GLT1D1: variants seen among roughly 807,000 people sequenced by gnomAD.
GLT1D1 encodes glycosyltransferase 1 domain-containing protein 1.
In GLT1D1, 21 loss-of-function variants were observed where a neutral mutation model predicts 28.7. The ratio of observed to expected loss-of-function variants is 0.73; its 90% CI spans 0.52 to 1.05. The LOEUF is 1.05. Among genes scored for constraint, GLT1D1 ranks in the 50% least tolerant of loss-of-function variants. The pLI, the probability that GLT1D1 is intolerant of heterozygous loss-of-function variation, is 0.00. For missense variants in GLT1D1, 343 were observed against 330.6 expected (o/e 1.04, Z -0.29); for synonymous variants, 147 against 124.8 (o/e 1.18, Z -1.19).
At chr12:128,888,533 C>G in intron 2 of GLT1D1, 106 bp from the exon 3 acceptor site, 1 of 700,532 alleles carries the variant, frequency 1.4e-6, no homozygotes, top group Non-Finnish European at 2.5e-6. Flanking sequence ...CAACAAACAG[C>G]TCCGGCGATC....
chr12:128,886,716 G>C (rs1245558630), intron 2 of GLT1D1, among the ~76,000 whole-genome samples: 1 of 151,848 alleles, frequency 6.6e-6, no homozygotes, highest in Non-Finnish European at 1.5e-5. Context: ...AGCCTGCCTC[G>C]ATAGTCTACC....
intron 3 of GLT1D1, among the ~76,000 whole-genome samples, chr12:128,892,777 T>A (rs1487492891): frequency 1.3e-5 from 2 of 152,066 alleles, no homozygotes; most frequent in African/African-American, 2.4e-5. Context: ...AGTATTTAAA[T>A]TTTTTTTCTA....
At chr12:128,926,235 T>TAATA (rs1193657028) in intron 4 of GLT1D1, 124 bp from the exon 7 acceptor site, 2 of 253,746 alleles carry the variant, frequency 7.9e-6, no homozygotes, top group Admixed American at 1.2e-4. Context: ...ATAATAATAA[T>TAATA]AAGAGTAGGA....
intron 1 of GLT1D1, among the ~76,000 whole-genome samples, chr12:128,866,844 C>T (rs1009522752): frequency 1.1e-4 from 17 of 151,654 alleles, no homozygotes; most frequent in African/African-American, 4.1e-4. Context: ...TGGTCTTGAA[C>T]TCCTGACCTC....
At chr12:128,960,156 C>T (rs1877788566) in intron 7 of GLT1D1, among the ~76,000 whole-genome samples, 1 of 152,140 alleles carries the variant, frequency 6.6e-6, no homozygotes, top group Non-Finnish European at 1.5e-5. Context: ...ATTTTGATTC[C>T]AGCGCTTTCG....
At chr12:128,853,734 G>GCCAGGCCC in intron 1 of GLT1D1, 85 bp downstream of exon 1, 3 of 887,854 alleles carry the variant, frequency 3.4e-6, no homozygotes, top group Non-Finnish European at 4.1e-6. Flanking sequence ...GGGGCGCTCA[G>GCCAGGCCC]CCAGGCCCCC....
In GLT1D1 at chr12:128,943,925, G is replaced by A. The variant is rs140886417; in HGVS notation, c.376-1401G>A. On this transcript the variant is annotated intron_variant, in intron 4 of 7. Transcript: ENST00000281703. ...CATGTAACTTTTTTTTAACTTTTCC[G>A]GGAAAATACGGAAGCTTTATCAACC... is the stretch of plus-strand genomic sequence containing the variant. Among the ~76,000 whole-genome samples, 17 of 152,012 alleles carry A rather than the reference G, an allele frequency of 1.1e-4. No homozygotes were observed. The East Asian group carries it at 1.7e-3, about 16-fold the overall frequency.
intron 7 of GLT1D1, among the ~76,000 whole-genome samples, chr12:128,972,823 G>A (rs1879318027): frequency 6.6e-6 from 1 of 152,180 alleles, no homozygotes; most frequent in Admixed American, 6.5e-5. Flanking sequence ...ATACATGTAT[G>A]GTGTATCACT....
At chr12:128,868,753 T>C (rs1956611274) in intron 1 of GLT1D1, among the ~76,000 whole-genome samples, 3 of 152,206 alleles carry the variant, frequency 2.0e-5, no homozygotes, top group Non-Finnish European at 4.4e-5. Context: ...CCATGGGTCC[T>C]GTCAGATTTT....
In GLT1D1 at chr12:128,913,835, A is replaced by G. The variant is rs1871806319; in HGVS notation, c.375+14548A>G. Among the ~76,000 whole-genome samples the G allele has an allele frequency of 2.0e-5, 3 of 152,256 alleles. No homozygotes were observed. In the South Asian group the frequency reaches 6.2e-4, roughly 32 times the overall value. Reference sequence around the variant, plus strand: ...TACCACCTCCACCCTGCGCATTTTGAAGTGCGTTTAACCTCTTTGAACATC... The same window carrying G: ...TACCACCTCCACCCTGCGCATTTTGGAGTGCGTTTAACCTCTTTGAACATC... On this transcript the variant is annotated intron_variant, in intron 4 of 7. Coordinates refer to ENST00000281703, the MANE Select transcript of GLT1D1 (RefSeq NM_144669.3).
At chr12:128,977,403 C>T (rs1242293817) in intron 7 of GLT1D1, among the ~76,000 whole-genome samples, 1 of 152,142 alleles carries the variant, frequency 6.6e-6, no homozygotes, top group Non-Finnish European at 1.5e-5. Flanking sequence ...CCAGCGTTGG[C>T]ACACCTGTGG....
chr12:128,921,271 C>T (rs963830543), intron 4 of GLT1D1, among the ~76,000 whole-genome samples: 3 of 151,598 alleles, frequency 2.0e-5, no homozygotes, highest in South Asian at 4.2e-4. Context: ...TTCCTATATT[C>T]CCATTACACT....
chr12:128,958,367 A>G (rs552457047), intron 7 of GLT1D1, among the ~76,000 whole-genome samples: 67 of 152,138 alleles, frequency 4.4e-4, no homozygotes, highest in Non-Finnish European at 7.4e-4. Flanking sequence ...CATGCGCTGA[A>G]TGAGTTGATG....
chr12:128,961,341 T>G (rs552218892), intron 7 of GLT1D1, among the ~76,000 whole-genome samples: 1 of 151,870 alleles, frequency 6.6e-6, no homozygotes, highest in East Asian at 1.9e-4. Flanking sequence ...AGAAAGGAGG[T>G]CAGCATATGG....
At position 128,984,070 on chromosome 12, in the gene GLT1D1, AC is replaced by A. The variant is rs1880576571; in HGVS notation, c.*982del. 6.6e-6 allele frequency: 1 copy of A among 152,236 alleles called. No individual in the cohort carries two copies. Among genetic ancestry groups the A allele is most frequent in the East Asian group, 1.9e-4 (1 of 5,188 alleles). The allele number at this position is 152,236 out of a possible 1,614,324, so 9.4% of individuals were successfully genotyped here. On this transcript the variant is annotated 3_prime_UTR_variant, in exon 8 of 8. Transcript: ENST00000281703. ...CTCCTAGTGGAATTTGCCTGGGAGA[AC>A]CTCCACTGAATACTGAAATTGTTGC...
intron 2 of GLT1D1, among the ~76,000 whole-genome samples, chr12:128,880,032 C>G (rs929531681): frequency 9.9e-5 from 15 of 152,104 alleles, no homozygotes; most frequent in African/African-American, 3.6e-4. Context: ...ATATAAATTC[C>G]TAGGAAAGCC....
intron 2 of GLT1D1, among the ~76,000 whole-genome samples, chr12:128,882,779 A>G (rs1957087990): frequency 6.6e-6 from 1 of 152,036 alleles, no homozygotes. Flanking sequence ...ATGGAATGGA[A>G]CCTGTTCCCA....
intron 2 of GLT1D1, among the ~76,000 whole-genome samples, chr12:128,881,234 A>AC (rs1287666848): frequency 1.3e-5 from 2 of 149,002 alleles, no homozygotes; most frequent in African/African-American, 4.9e-5. Context: ...AAAAAAAAAA[A>AC]AAAAAAAAAA....
intron 4 of GLT1D1, among the ~76,000 whole-genome samples, chr12:128,943,269 C>A (rs555393462): frequency 1.5e-4 from 23 of 152,134 alleles, no homozygotes; most frequent in African/African-American, 5.5e-4. Context: ...GCCAAGGGAG[C>A]GTTTCCCAGG....
Sources: gnomAD v4.1 joint callset for allele counts (sites outside exome capture counted in the v4.1 genomes callset) on GRCh38, gnomAD v4.1.1 for gene constraint, MANE v1.5 for transcripts, NCBI Gene and HGNC (gene_info 2026-07-23, HGNC 2026-07-21) for gene names.